Variants in LTA4H observed in about 807,000 individuals in gnomAD.
LTA4H encodes leukotriene A4 hydrolase.
A neutral mutation model predicts 89.8 loss-of-function variants in LTA4H; 59 were observed. The ratio of observed to expected loss-of-function variants is 0.66; its 90% CI spans 0.53 to 0.82. LTA4H has a LOEUF of 0.82. Ranked by LOEUF, LTA4H falls within the 40% of genes least tolerant of loss-of-function variation. The pLI is 0.00. For missense variants in LTA4H, 617 were observed against 727.0 expected (o/e 0.85, Z 1.74); for synonymous variants, 227 against 253.1 (o/e 0.90, Z 0.98).
chr12:96,029,276 T>C, intron 1 of LTA4H, 91 bp from the exon 2 acceptor site: 1 of 656,768 alleles, frequency 1.5e-6, no homozygotes, highest in South Asian at 2.5e-5. Context: ...TAGTTGCTTA[T>C]GGAGAGTAAA....
chr12:96,006,260 A>C, intron 16 of LTA4H, 54 bp downstream of exon 16: 1 of 1,115,898 alleles, frequency 9.0e-7, no homozygotes, highest in Non-Finnish European at 1.3e-6. Context: ...GTAGAACATA[A>C]ATGCTGTGCC....
chr12:96,003,909 T>C lies in LTA4H; in HGVS notation c.1542A>G (p.Pro514=). The C allele has an allele frequency of 1.9e-6, 3 of 1,605,272 alleles. No individual in the cohort carries two copies. Among genetic ancestry groups the C allele is most frequent in the South Asian group, 1.1e-5 (1 of 89,918 alleles). ...CTTGCATTCGCTTTATGTGCCCCAA[T>C]GGAAGAGGTGCCTAAGAGCAAAATA... The part of the protein sequence containing the change: ...LAQTLQRAPL[P]LGHIKRMQEV... The change falls in exon 17 of 19, where the codon CCA becomes CCG. Residue 514 remains proline (P), a synonymous_variant. Transcript: ENST00000228740.
chr12:96,005,699 A>T (rs1297690177), intron 16 of LTA4H, among the ~76,000 whole-genome samples: 2 of 152,090 alleles, frequency 1.3e-5, no homozygotes, highest in African/African-American at 4.8e-5. Flanking sequence ...TCACTAATTA[A>T]GTTTTTCCAA....
At chr12:96,026,555 C>A (rs1209732134) in intron 3 of LTA4H, among the ~76,000 whole-genome samples, 1 of 152,178 alleles carries the variant, frequency 6.6e-6, no homozygotes, top group Non-Finnish European at 1.5e-5. Context: ...TAGAACATTT[C>A]ATCTCTTCTA....
chr12:96,009,124 A>T lies in LTA4H; in HGVS notation c.1404T>A (p.Ala468=). 1 of 1,606,518 alleles carries T rather than the reference A, an allele frequency of 6.2e-7. No homozygotes were observed. Among genetic ancestry groups the T allele is most frequent in the Non-Finnish European group, 8.5e-7 (1 of 1,174,294 alleles). Residue 468 remains alanine (A), a synonymous_variant, in exon 15 of 19, where the codon GCT becomes GCA. Coordinates refer to ENST00000228740, the MANE Select transcript of LTA4H (RefSeq NM_000895.3). ...KPNYDMTLTN[A]CIALSQRWIT... is the part of the protein sequence containing the mutation. Reference sequence around the variant, plus strand: ...TCCATCTTTGACTTAAGGCAATACAAGCATTTGTCAGAGTCATATCATAAC... The same window carrying T: ...TCCATCTTTGACTTAAGGCAATACATGCATTTGTCAGAGTCATATCATAAC...
chr12:96,005,129 A>C (rs1307168861), intron 16 of LTA4H, among the ~76,000 whole-genome samples: 1 of 152,162 alleles, frequency 6.6e-6, no homozygotes, highest in African/African-American at 2.4e-5. Flanking sequence ...CTCAAAATGC[A>C]GCAACTCCTT....
chr12:96,043,310 A>T, exon 1 of LTA4H: 1 of 1,535,376 alleles, frequency 6.5e-7, no homozygotes, highest in East Asian at 2.4e-5. Context: ...CAAGAAGTCG[A>T]CGAGTCTTAA....
chr12:96,034,248 G>A (rs1054196069), intron 1 of LTA4H, among the ~76,000 whole-genome samples: 4 of 152,156 alleles, frequency 2.6e-5, no homozygotes, highest in African/African-American at 9.7e-5. Context: ...CCCTGGTGAA[G>A]AAGCCGAATT....
At position 96,019,159 on chromosome 12, in the gene LTA4H, A is replaced by G. The variant is rs1950421314; in HGVS notation, c.711+9T>C. On this transcript the variant is annotated intron_variant, in intron 7 of 18. Coordinates refer to ENST00000228740, the MANE Select transcript of LTA4H (RefSeq NM_000895.3). ...CACAATGATTACAAAGGATAACTAA[A>G]TGACCAACCTCAGAAAACTCATAAG... 6.2e-7 allele frequency: 1 copy of G among 1,608,368 alleles called. No individual in the cohort carries two copies. Among genetic ancestry groups the G allele is most frequent in the African/African-American group, 1.3e-5 (1 of 74,572 alleles).
rs74416146 is a variant in LTA4H at position 96,021,611 on chromosome 12, G to C, written c.586-474C>G. 8.3e-3 allele frequency among the ~76,000 whole-genome samples: 1,259 copies of C among 151,906 alleles called. 20 individuals carry two copies. Among genetic ancestry groups the C allele is most frequent in the African/African-American group, 0.029 (1,208 of 41,410 alleles). On this transcript the variant is annotated intron_variant, in intron 5 of 18. Transcript: ENST00000228740. ...TAGATGCCAAAGTTATGGGAGCTTG[G>C]AACCACAGAAGCTGCAGTGGAAGTC...
At chr12:96,031,158 C>A (rs1341088848) in intron 1 of LTA4H, among the ~76,000 whole-genome samples, 1 of 152,088 alleles carries the variant, frequency 6.6e-6, no homozygotes, top group Non-Finnish European at 1.5e-5. Context: ...TTGGCCCTAC[C>A]CTTTCCTATA....
At chr12:96,030,774 G>A (rs1047756526) in intron 1 of LTA4H, among the ~76,000 whole-genome samples, 1 of 152,086 alleles carries the variant, frequency 6.6e-6, no homozygotes, top group African/African-American at 2.4e-5. Flanking sequence ...TTTCCCAGCT[G>A]CCCCTGGGTA....
chr12:96,014,164 G>C (rs1327478733), intron 12 of LTA4H: 1 of 202,658 alleles, frequency 4.9e-6, no homozygotes, highest in African/African-American at 2.3e-5. Context: ...CACATGACTA[G>C]AAAGGAGAAA....
At chr12:96,007,262 T>C (rs1341317287) in intron 15 of LTA4H, among the ~76,000 whole-genome samples, 1 of 152,316 alleles carries the variant, frequency 6.6e-6, no homozygotes, top group African/African-American at 2.4e-5. Context: ...TTCTTTTCCC[T>C]TTACAACTTA....
intron 6 of LTA4H, 38 bp downstream of exon 6, chr12:96,021,047 A>G (rs1045409056): frequency 6.4e-7 from 1 of 1,568,006 alleles, no homozygotes; most frequent in Non-Finnish European, 8.7e-7. Context: ...CTAAGTTTTG[A>G]TCTTTCCACA....
chr12:96,009,300 TTACA>T, intron 14 of LTA4H, 152 bp from the exon 15 acceptor site: 1 of 601,998 alleles, frequency 1.7e-6, no homozygotes, highest in Non-Finnish European at 2.9e-6. Context: ...TTTACCTAAC[TTACA>T]TACTACTGGC....
chr12:96,038,030 A>G (rs551176090), upstream of LTA4H, among the ~76,000 whole-genome samples: 8 of 152,274 alleles, frequency 5.3e-5, no homozygotes, highest in South Asian at 1.7e-3. Flanking sequence ...AAGGCAAGAG[A>G]AAACTTTAAC....
intron 1 of LTA4H, among the ~76,000 whole-genome samples, chr12:96,034,397 A>G (rs1354614032): frequency 6.6e-6 from 1 of 152,246 alleles, no homozygotes; most frequent in Non-Finnish European, 1.5e-5. Context: ...AGGTTATGAT[A>G]CAGATAAAAT....
At chr12:96,034,650 C>T (rs1950615691) in intron 1 of LTA4H, among the ~76,000 whole-genome samples, 1 of 152,234 alleles carries the variant, frequency 6.6e-6, no homozygotes, top group Non-Finnish European at 1.5e-5. Flanking sequence ...CTAGAGTTAG[C>T]AAGCAGGGAC....
Sources: allele counts gnomAD v4.1 joint callset (sites outside exome capture counted in the v4.1 genomes callset), GRCh38; gene constraint gnomAD v4.1.1; transcripts MANE v1.5; gene names NCBI Gene and HGNC (gene_info 2026-07-23, HGNC 2026-07-21).